Variants in SOX6 observed in about 807,000 individuals in gnomAD.
The protein encoded by SOX6 is SRY-box transcription factor 6.
In SOX6, 11 loss-of-function variants were observed where a neutral mutation model predicts 97.8. The ratio of observed to expected loss-of-function variants is 0.11; its 90% CI spans 0.07 to 0.19. SOX6 has a LOEUF of 0.19. SOX6 is among the 10% of genes least tolerant of loss of function. The probability of loss-of-function intolerance (pLI) is 1.00; values close to 1 mark genes in which losing one functional copy is unlikely to be tolerated. For missense variants in SOX6, 810 were observed against 1,039.5 expected (o/e 0.78, Z 3.04); for synonymous variants, 360 against 371.4 (o/e 0.97, Z 0.35).
chr11:16,319,688 C>T (rs980740384), intron 2 of SOX6, among the ~76,000 whole-genome samples: 2 of 152,180 alleles, frequency 1.3e-5, no homozygotes, highest in Admixed American at 6.5e-5. Flanking sequence ...TTTTTTATGG[C>T]GGCATAGTAT....
intron 3 of SOX6, among the ~76,000 whole-genome samples, chr11:16,281,405 G>A (rs1203740950): frequency 6.6e-6 from 1 of 151,990 alleles, no homozygotes; most frequent in Non-Finnish European, 1.5e-5. Flanking sequence ...TTGAAGATAT[G>A]AGTATTTTTC....
At chr11:16,139,830 A>G (rs1263935687) in intron 6 of SOX6, among the ~76,000 whole-genome samples, 1 of 151,778 alleles carries the variant, frequency 6.6e-6, no homozygotes, top group East Asian at 1.9e-4. Flanking sequence ...ACATATATAT[A>G]TAAAACCACA....
chr11:16,453,732 T>C (rs551007192), intron 1 of SOX6, among the ~76,000 whole-genome samples: 1 of 152,272 alleles, frequency 6.6e-6, no homozygotes, highest in South Asian at 2.1e-4. Flanking sequence ...TTTAAATTAA[T>C]GTCTTATTAG....
chr11:15,974,527 C>T (rs1471758334), intron 15 of SOX6, among the ~76,000 whole-genome samples: 4 of 145,038 alleles, frequency 2.8e-5, no homozygotes, highest in East Asian at 2.0e-4. Flanking sequence ...TCTCCCAATG[C>T]TATCCCTCCC....
At chr11:16,315,256 C>A (rs1336770361) in intron 3 of SOX6, 1 of 152,014 alleles carries the variant, frequency 6.6e-6, no homozygotes, top group African/African-American at 2.4e-5. Flanking sequence ...TCTCTGTAAT[C>A]TGTGTATTTT....
intron 9 of SOX6, among the ~76,000 whole-genome samples, chr11:16,070,679 C>G (rs750617963): frequency 6.6e-6 from 1 of 151,972 alleles, no homozygotes; most frequent in African/African-American, 2.4e-5. Flanking sequence ...AGAAGGACAC[C>G]GAGAGCAGAG....
intron 2 of SOX6, among the ~76,000 whole-genome samples, chr11:16,323,844 T>C (rs1855993852): frequency 6.6e-6 from 1 of 152,036 alleles, no homozygotes; most frequent in African/African-American, 2.4e-5. Context: ...CAAAATTAAA[T>C]ATGTGGACTG....
chr11:16,622,727 T>C (rs1261961294), intron 3 of SOX6, among the ~76,000 whole-genome samples: 4 of 152,218 alleles, frequency 2.6e-5, no homozygotes, highest in Admixed American at 2.6e-4. Flanking sequence ...GCTATAAACA[T>C]GCATGTGCAA....
chr11:15,995,848 T>A (rs1854208357), intron 13 of SOX6, among the ~76,000 whole-genome samples: 1 of 152,076 alleles, frequency 6.6e-6, no homozygotes, highest in Non-Finnish European at 1.5e-5. Context: ...TAAAAGGAAA[T>A]AAATTCAGAG....
At chr11:16,366,891 G>A (rs1857374208) in intron 1 of SOX6, among the ~76,000 whole-genome samples, 1 of 152,060 alleles carries the variant, frequency 6.6e-6, no homozygotes, top group African/African-American at 2.4e-5. Context: ...AGCCTTCATC[G>A]AAGTGAATAA....
chr11:16,434,811 C>T (rs1162943789), intron 1 of SOX6, among the ~76,000 whole-genome samples: 1 of 151,922 alleles, frequency 6.6e-6, no homozygotes, highest in Non-Finnish European at 1.5e-5. Context: ...AGAAAATATG[C>T]TACAATTTAT....
chr11:16,704,556 G>C (rs1252994485), intron 3 of SOX6, among the ~76,000 whole-genome samples: 1 of 152,186 alleles, frequency 6.6e-6, no homozygotes, highest in Non-Finnish European at 1.5e-5. Context: ...CAGGCTCTTA[G>C]CATAGGACTT....
At chr11:16,461,255 A>G (rs1859920187) in intron 1 of SOX6, among the ~76,000 whole-genome samples, 1 of 152,034 alleles carries the variant, frequency 6.6e-6, no homozygotes, top group Non-Finnish European at 1.5e-5. Flanking sequence ...GCTTGTTTAA[A>G]TCTTTTACCT....
At chr11:16,302,732 A>C (rs766496769) in intron 3 of SOX6, among the ~76,000 whole-genome samples, 4 of 150,538 alleles carry the variant, frequency 2.7e-5, no homozygotes, top group Admixed American at 2.0e-4. Context: ...ACCACACCCA[A>C]CTAATTTTTC....
chr11:16,291,657 T>C (rs1854922305), intron 3 of SOX6, among the ~76,000 whole-genome samples: 1 of 152,110 alleles, frequency 6.6e-6, no homozygotes, highest in Non-Finnish European at 1.5e-5. Flanking sequence ...TATATTGATG[T>C]CATCTTCTTA....
intron 6 of SOX6, among the ~76,000 whole-genome samples, chr11:16,114,276 CAA>C (rs1039010048): frequency 4.6e-5 from 7 of 152,108 alleles, no homozygotes; most frequent in African/African-American, 1.7e-4. Flanking sequence ...GCCTTGTTGG[CAA>C]AAAGTCTGAA....
intron 3 of SOX6, among the ~76,000 whole-genome samples, chr11:16,700,576 GAC>G (rs1848085279): frequency 6.6e-6 from 1 of 152,260 alleles, no homozygotes; most frequent in South Asian, 2.1e-4. Flanking sequence ...TTTGGAGTTG[GAC>G]AATGGGAAGC....
intron 4 of SOX6, among the ~76,000 whole-genome samples, chr11:16,498,660 C>T (rs370817589): frequency 1.3e-5 from 2 of 152,052 alleles, no homozygotes; most frequent in Non-Finnish European, 2.9e-5. Flanking sequence ...GTTGCAATCC[C>T]AGTCTCTGAT....
At chr11:16,680,017 C>T (rs1039695727) in intron 3 of SOX6, among the ~76,000 whole-genome samples, 1 of 152,128 alleles carries the variant, frequency 6.6e-6, no homozygotes, top group African/African-American at 2.4e-5. Flanking sequence ...GAGAATGGAA[C>T]CAAGTTAGAA....
Sources: gnomAD v4.1 joint callset for allele counts (sites outside exome capture counted in the v4.1 genomes callset) on GRCh38, gnomAD v4.1.1 for gene constraint, MANE v1.5 for transcripts, NCBI Gene and HGNC (gene_info 2026-07-23, HGNC 2026-07-21) for gene names.